MROH9: variants seen among roughly 807,000 people sequenced by gnomAD.
MROH9 encodes the protein maestro heat-like repeat-containing protein family member 9.
In MROH9, 92 loss-of-function variants were observed where a neutral mutation model predicts 98.2. That is an observed-to-expected ratio of 0.94 (90% CI 0.79 to 1.11). The LOEUF (loss-of-function observed/expected upper bound fraction) is 1.11. MROH9 is among the 50% of genes most tolerant of loss of function. MROH9 has a pLI of 0.00. For missense variants in MROH9, 1,057 were observed against 1,014.8 expected (o/e 1.04, Z -0.57); for synonymous variants, 397 against 368.9 (o/e 1.08, Z -0.87).
intron 3 of MROH9, among the ~76,000 whole-genome samples, chr1:170,949,310 T>A (rs921763045): frequency 6.6e-6 from 1 of 151,864 alleles, no homozygotes; most frequent in Non-Finnish European, 1.5e-5. Context: ...AGAGGGGTGG[T>A]CTAAACAACA....
chr1:171,039,145 A>G (rs1653211220), intron 20 of MROH9, among the ~76,000 whole-genome samples: 1 of 152,184 alleles, frequency 6.6e-6, no homozygotes, highest in Non-Finnish European at 1.5e-5. Context: ...CATAATTTCC[A>G]AAGCATCAAA....
chr1:171,019,374 C>T (rs114352867), intron 17 of MROH9, among the ~76,000 whole-genome samples: 3 of 151,936 alleles, frequency 2.0e-5, no homozygotes, highest in Non-Finnish European at 4.4e-5. Context: ...GAAACATCGG[C>T]CAGGAGAAGT....
intron 20 of MROH9, among the ~76,000 whole-genome samples, chr1:171,057,415 G>GA (rs1479519801): frequency 3.9e-5 from 6 of 152,088 alleles, no homozygotes; most frequent in Non-Finnish European, 8.8e-5. Context: ...CAAGATTAGA[G>GA]AAAAAAGAAT....
Position 170,996,623 on chromosome 1 carries a change from A to T in MROH9, c.1454A>T (p.His485Leu), listed in dbSNP as rs1360560520. 6.2e-7 allele frequency: 1 copy of T among 1,613,508 alleles called. No individual in the cohort carries two copies. The highest frequency in any genetic ancestry group is 1.1e-5 in the South Asian group (1 of 91,058). The change falls in exon 14 of 22, where the codon CAT becomes CTT. Residue 485 changes from histidine (H) to leucine (L), a missense_variant. Coordinates refer to ENST00000367759, the MANE Select transcript of MROH9 (RefSeq NM_001163629.2). ...TTATCTGAAGATCTGTGTTACTATC[A>T]TGGAGTCTGCTTTATTGCTAAGTAA... ...DQLSEDLCYY[H>L]GVCFIAKTLS...
At chr1:171,061,175 T>C (rs569559776) in intron 20 of MROH9, among the ~76,000 whole-genome samples, 1 of 152,290 alleles carries the variant, frequency 6.6e-6, no homozygotes, top group South Asian at 2.1e-4. Context: ...TGTGATATTA[T>C]CACCAAACCC....
intron 15 of MROH9, among the ~76,000 whole-genome samples, chr1:171,009,858 T>A (rs957134046): frequency 1.3e-5 from 2 of 152,230 alleles, no homozygotes. Flanking sequence ...CATGGGGCCA[T>A]GTCAAAAGGA....
chr1:170,956,582 CTTTTTTTTTTTTGTTTT>C (rs925939424), intron 3 of MROH9, among the ~76,000 whole-genome samples: 14 of 114,934 alleles, frequency 1.2e-4, no homozygotes, highest in African/African-American at 4.6e-4. Flanking sequence ...TTTCTCTTTC[CTTTTTTTTTTTTGTTTT>C]TTTTTTTTTT....
rs183893296 is a variant in MROH9 at position 170,964,515 on chromosome 1, G to A, written c.376-636G>A. Among the ~76,000 whole-genome samples, 5 of 152,152 alleles carry A rather than the reference G, an allele frequency of 3.3e-5. No homozygotes were observed. In the East Asian group the frequency reaches 7.7e-4, roughly 24 times the overall value. On this transcript the variant is annotated intron_variant, in intron 6 of 21. Coordinates refer to ENST00000367759, the MANE Select transcript of MROH9 (RefSeq NM_001163629.2). Reference sequence around the variant, plus strand: ...TGCCTTAAAGAAGGCTATTAATGGCGATTGGCATATGAGGCATATGCAGTA... The same window carrying A: ...TGCCTTAAAGAAGGCTATTAATGGCAATTGGCATATGAGGCATATGCAGTA...
chr1:171,025,227 T>C (rs1360663966), intron 19 of MROH9, 91 bp from the exon 20 acceptor site: 1 of 718,478 alleles, frequency 1.4e-6, no homozygotes, highest in Non-Finnish European at 2.4e-6. Flanking sequence ...TCTAATTTGG[T>C]CCTGATTTGG....
rs141220976 is a variant in MROH9, at chr1:170,976,848, A to G, written c.616+4965A>G. Among the ~76,000 whole-genome samples, 24 of 152,228 alleles carry G rather than the reference A, an allele frequency of 1.6e-4. No homozygotes were observed. In the East Asian group the frequency reaches 3.7e-3, roughly 23 times the overall value. ...TTTCCAAGTTGTTGGCTTTCTCTCC[A>G]TCTATTGCAGGGATGCCAATAACAC... On this transcript the variant is annotated intron_variant, in intron 8 of 21. Transcript: ENST00000367759.
chr1:171,004,721 G>A (rs1332872351), intron 15 of MROH9, among the ~76,000 whole-genome samples: 1 of 152,126 alleles, frequency 6.6e-6, no homozygotes, highest in Admixed American at 6.5e-5. Flanking sequence ...TGCAGCCTCT[G>A]CATGCTGTTC....
intron 20 of MROH9, among the ~76,000 whole-genome samples, chr1:171,046,192 G>A (rs1262595567): frequency 6.6e-6 from 1 of 151,936 alleles, no homozygotes; most frequent in East Asian, 1.9e-4. Flanking sequence ...GTCTTTATAG[G>A]TGAAATGTGT....
intron 2 of MROH9, among the ~76,000 whole-genome samples, chr1:170,946,246 AT>A (rs937649569): frequency 2.6e-5 from 4 of 152,052 alleles, no homozygotes; most frequent in Middle Eastern, 3.4e-3. Flanking sequence ...ACTCTGTAAT[AT>A]TTTTTCCTCA....
At chr1:170,979,833 G>A (rs1055255639) in intron 8 of MROH9, among the ~76,000 whole-genome samples, 1 of 152,026 alleles carries the variant, frequency 6.6e-6, no homozygotes, top group Non-Finnish European at 1.5e-5. Context: ...TTTATATTTA[G>A]AAAACCCCAT....
At chr1:170,986,496 G>A in intron 9 of MROH9, 65 bp from the exon 10 acceptor site, 2 of 1,530,628 alleles carry the variant, frequency 1.3e-6, no homozygotes, top group Admixed American at 3.9e-5. Context: ...CACCATGTCT[G>A]AGTTTAGCTG....
intron 17 of MROH9, 94 bp from the exon 18 acceptor site, chr1:171,024,301 G>GGGGT: frequency 5.6e-6 from 4 of 718,552 alleles, no homozygotes; most frequent in South Asian, 3.8e-5. Flanking sequence ...ATATTTATAT[G>GGGGT]GGGTGTGTGT....
chr1:171,056,487 C>T (rs371323941), intron 20 of MROH9, among the ~76,000 whole-genome samples: 1 of 152,188 alleles, frequency 6.6e-6, no homozygotes, highest in East Asian at 1.9e-4. Context: ...GAACCCAGAT[C>T]TCCCTGGGCC....
chr1:170,994,447 T>C (rs1427080898), intron 12 of MROH9, among the ~76,000 whole-genome samples: 2 of 152,178 alleles, frequency 1.3e-5, no homozygotes, highest in Admixed American at 1.3e-4. Flanking sequence ...TTCTCACATG[T>C]CATTTTAATT....
At chr1:170,977,003 T>C (rs969250658) in intron 8 of MROH9, among the ~76,000 whole-genome samples, 2 of 152,158 alleles carry the variant, frequency 1.3e-5, no homozygotes, top group Non-Finnish European at 2.9e-5. Context: ...AGTTTCAAGA[T>C]TTTTTTCCTC....
Sources: gnomAD v4.1 joint callset for allele counts (sites outside exome capture counted in the v4.1 genomes callset) on GRCh38, gnomAD v4.1.1 for gene constraint, MANE v1.5 for transcripts, NCBI Gene and HGNC (gene_info 2026-07-23, HGNC 2026-07-21) for gene names.